The following OPCML variants were observed in gnomAD, a reference collection of about 807,000 sequenced individuals.
The protein encoded by OPCML is opioid-binding protein/cell adhesion molecule.
OPCML carries 13 observed loss-of-function variants against 37.8 expected under a neutral mutation model. The observed-to-expected ratio is 0.34, with a 90% confidence interval of 0.22 to 0.55. OPCML has a LOEUF of 0.55. OPCML is among the 20% of genes least tolerant of loss of function. The probability of loss-of-function intolerance (pLI) is 0.91; values close to 1 mark genes in which losing one functional copy is unlikely to be tolerated. For missense variants in OPCML, 341 were observed against 435.6 expected (o/e 0.78, Z 1.93); for synonymous variants, 176 against 168.8 (o/e 1.04, Z -0.33).
chr11:132,467,858 G>C (rs2096124476), intron 4 of OPCML, among the ~76,000 whole-genome samples: 1 of 152,134 alleles, frequency 6.6e-6, no homozygotes. Flanking sequence ...GAGTCTTCCA[G>C]CCACTATTCA....
intron 1 of OPCML, among the ~76,000 whole-genome samples, chr11:133,336,986 G>T (rs1943757752): frequency 6.6e-6 from 1 of 152,218 alleles, no homozygotes; most frequent in South Asian, 2.1e-4. Flanking sequence ...TGTTAAATTT[G>T]CAAGGGCAGC....
rs1565398643 is a variant in OPCML, at chr11:133,015,365, G to GAGGAAGGAAGGAAGGA, written c.62-72356_62-72355insTCCTTCCTTCCTTCCT. ...GGAGGGAGGGAGGGAGGAAGGAAGG[G>GAGGAAGGAAGGAAGGA]AGGAATGAAGGAAGGAAGGAAGGAA... On this transcript the variant is annotated intron_variant, in intron 1 of 7. Transcript: ENST00000524381. Among the ~76,000 whole-genome samples the GAGGAAGGAAGGAAGGA allele has an allele frequency of 6.3e-4, 69 of 109,120 alleles. 1 individual carries two copies. The highest frequency in any genetic ancestry group is 2.9e-3 in the African/African-American group (67 of 22,826). 71.6% of individuals were successfully genotyped at this position (109,120 alleles called of 152,430 possible).
intron 3 of OPCML, among the ~76,000 whole-genome samples, chr11:132,572,626 A>G (rs1009926628): frequency 6.6e-6 from 1 of 152,128 alleles, no homozygotes; most frequent in African/African-American, 2.4e-5. Context: ...TTTAAATGCC[A>G]GTACCATACA....
chr11:133,015,975 T>C (rs1161005456), intron 1 of OPCML, among the ~76,000 whole-genome samples: 1 of 152,194 alleles, frequency 6.6e-6, no homozygotes, highest in Admixed American at 6.5e-5. Flanking sequence ...CCCTTTTCCA[T>C]ATCCAAGGCT....
At chr11:132,970,010 G>A (rs1946305136) in intron 1 of OPCML, among the ~76,000 whole-genome samples, 2 of 151,878 alleles carry the variant, frequency 1.3e-5, no homozygotes, top group African/African-American at 2.4e-5. Context: ...GTTGAAATCT[G>A]AATATTTTAT....
At chr11:132,555,679 A>G (rs548474866) in intron 3 of OPCML, among the ~76,000 whole-genome samples, 15 of 152,270 alleles carry the variant, frequency 9.9e-5, no homozygotes, top group Admixed American at 9.8e-4. Context: ...GGATGAATGA[A>G]GGCGCGTAGA....
intron 2 of OPCML, among the ~76,000 whole-genome samples, chr11:132,707,131 G>A (rs1452619242): frequency 6.6e-6 from 1 of 152,166 alleles, no homozygotes; most frequent in Non-Finnish European, 1.5e-5. Context: ...ACAGGTAAAA[G>A]GATCAAGGGG....
At chr11:133,520,236 T>A (rs1333877789) in intron 1 of OPCML, among the ~76,000 whole-genome samples, 1 of 152,036 alleles carries the variant, frequency 6.6e-6, no homozygotes, top group Non-Finnish European at 1.5e-5. Context: ...CCAAGTGCAG[T>A]GTGCGTGGGA....
At chr11:132,450,582 GT>G (rs57169966) in intron 4 of OPCML, among the ~76,000 whole-genome samples, 84 of 147,026 alleles carry the variant, frequency 5.7e-4, no homozygotes, top group African/African-American at 8.2e-4. Context: ...ACTCTAGAGG[GT>G]TTTTTTTTTT....
At chr11:133,101,348 G>A (rs888520532) in intron 1 of OPCML, among the ~76,000 whole-genome samples, 18 of 152,148 alleles carry the variant, frequency 1.2e-4, no homozygotes, top group African/African-American at 4.3e-4. Flanking sequence ...GAGAAGAAAA[G>A]CCACAAACTG....
intron 2 of OPCML, among the ~76,000 whole-genome samples, chr11:132,860,300 G>T (rs927240463): frequency 6.6e-6 from 1 of 152,190 alleles, no homozygotes; most frequent in Admixed American, 6.5e-5. Context: ...CAGAACAAAG[G>T]CCTGGAGGGC....
intron 2 of OPCML, among the ~76,000 whole-genome samples, chr11:132,730,003 T>G (rs1176136386): frequency 2.1e-5 from 3 of 144,666 alleles, no homozygotes; most frequent in African/African-American, 7.7e-5. Context: ...CAGTCTTCTA[T>G]GTGACTTTTT....
chr11:132,451,553 A>G (rs2096068416), intron 4 of OPCML, among the ~76,000 whole-genome samples: 1 of 152,186 alleles, frequency 6.6e-6, no homozygotes, highest in African/African-American at 2.4e-5. Context: ...ACACATGAAC[A>G]GGTAAAAATA....
At chr11:133,246,339 TG>T (rs758267391) in intron 1 of OPCML, among the ~76,000 whole-genome samples, 1 of 152,162 alleles carries the variant, frequency 6.6e-6, no homozygotes. Flanking sequence ...GAGAACATCA[TG>T]ATAACCATTA....
intron 3 of OPCML, among the ~76,000 whole-genome samples, chr11:132,592,372 A>G (rs1394154440): frequency 6.6e-6 from 1 of 152,232 alleles, no homozygotes; most frequent in African/African-American, 2.4e-5. Flanking sequence ...CCAACCCAGG[A>G]TAAGCCAGGG....
At chr11:132,960,538 G>A (rs1946069936) in intron 1 of OPCML, among the ~76,000 whole-genome samples, 1 of 152,172 alleles carries the variant, frequency 6.6e-6, no homozygotes, top group Non-Finnish European at 1.5e-5. Flanking sequence ...GAGTAAAGCA[G>A]GGCTGCGAAA....
At position 132,516,958 on chromosome 11, in the gene OPCML, T is replaced by G. The variant is rs373885640; in HGVS notation, c.505+12103A>C. ...ATCCAGCCACAAGTTCTTCAACCCATGGTGGAGACAGTGGGCTTGAAAAGT... is the reference window on the plus strand; with the variant it reads ...ATCCAGCCACAAGTTCTTCAACCCAGGGTGGAGACAGTGGGCTTGAAAAGT... On this transcript the variant is annotated intron_variant, in intron 4 of 7. Coordinates refer to ENST00000524381, the MANE Select transcript of OPCML (RefSeq NM_001012393.5). Among the ~76,000 whole-genome samples, 336 of 152,186 alleles carry G rather than the reference T, an allele frequency of 2.2e-3. 1 individual carries two copies. Among genetic ancestry groups the G allele is most frequent in the Middle Eastern group, 0.014 (4 of 294 alleles).
At chr11:132,863,991 G>A (rs1339172162) in intron 2 of OPCML, among the ~76,000 whole-genome samples, 1 of 152,134 alleles carries the variant, frequency 6.6e-6, no homozygotes, top group African/African-American at 2.4e-5. Flanking sequence ...AGGCTGGAGT[G>A]CAATGGTGAG....
At chr11:133,191,498 T>TGTGTGG (rs530712593) in intron 1 of OPCML, among the ~76,000 whole-genome samples, 1,877 of 122,698 alleles carry the variant, frequency 0.015, 11 homozygotes, top group Middle Eastern at 0.022. Flanking sequence ...CTTTTCTGTG[T>TGTGTGG]GTGTGGGTGT....
Sources: allele counts gnomAD v4.1 joint callset (sites outside exome capture counted in the v4.1 genomes callset), GRCh38; gene constraint gnomAD v4.1.1; transcripts MANE v1.5; gene names NCBI Gene and HGNC (gene_info 2026-07-23, HGNC 2026-07-21).